Variants in PCDH15 observed in about 807,000 individuals in gnomAD.
PCDH15 encodes the protein protocadherin related 15, also known as protocadherin-15.
In PCDH15, 129 loss-of-function variants were observed where a neutral mutation model predicts 178.5. That is an observed-to-expected ratio of 0.72 (90% CI 0.63 to 0.84). PCDH15 has a LOEUF of 0.84. Among genes scored for constraint, PCDH15 ranks in the 40% least tolerant of loss-of-function variants. The pLI is 0.00. For missense variants in PCDH15, 2,230 were observed against 2,099.9 expected (o/e 1.06, Z -1.21); for synonymous variants, 800 against 732.0 (o/e 1.09, Z -1.50).
intron 2 of PCDH15, among the ~76,000 whole-genome samples, chr10:55,414,844 T>C (rs1838438618): frequency 6.6e-6 from 1 of 150,990 alleles, no homozygotes; most frequent in Non-Finnish European, 1.5e-5. Flanking sequence ...TAGGGTTTTC[T>C]ACATATAAGA....
At chr10:55,511,446 A>G (rs1053766070) in intron 2 of PCDH15, among the ~76,000 whole-genome samples, 6 of 152,082 alleles carry the variant, frequency 3.9e-5, no homozygotes, top group Non-Finnish European at 7.4e-5. Context: ...CAAAAGTATT[A>G]CCAAAACACT....
chr10:54,034,037 G>A (rs1420332982), intron 18 of PCDH15, among the ~76,000 whole-genome samples: 1 of 151,582 alleles, frequency 6.6e-6, no homozygotes. Flanking sequence ...ATTCTTAACT[G>A]GAAACTGAAA....
intron 1 of PCDH15, among the ~76,000 whole-genome samples, chr10:54,722,321 CTCTTAT>C (rs928781031): frequency 1.4e-5 from 2 of 147,552 alleles, no homozygotes; most frequent in East Asian, 2.0e-4. Context: ...AGGATGTCAA[CTCTTAT>C]TCTTATTCAA....
chr10:54,779,533 C>CACACATATATGTGTGTATAT (rs1555192948), intron 1 of PCDH15, among the ~76,000 whole-genome samples: 1 of 28,116 alleles, frequency 3.6e-5, no homozygotes, highest in Non-Finnish European at 7.4e-5. Flanking sequence ...TATACACACA[C>CACACATATATGTGTGTATAT]ATATATATAG....
At chr10:55,419,275 T>G (rs559436903) in intron 2 of PCDH15, among the ~76,000 whole-genome samples, 1 of 151,806 alleles carries the variant, frequency 6.6e-6, no homozygotes, top group South Asian at 2.1e-4. Flanking sequence ...AAATAAATTT[T>G]CTATGTGGGA....
At chr10:54,057,137 C>T (rs12244555) in intron 18 of PCDH15, among the ~76,000 whole-genome samples, 31,767 of 152,062 alleles carry the variant, frequency 0.21, 3,506 homozygotes, top group Non-Finnish European at 0.23. Flanking sequence ...TGAGTGTCTG[C>T]GACTTGCCAG....
chr10:54,293,108 C>T (rs141761582), intron 8 of PCDH15, among the ~76,000 whole-genome samples: 28,674 of 151,992 alleles, frequency 0.19, 3,073 homozygotes, highest in African/African-American at 0.28. Flanking sequence ...GGTACTGGTA[C>T]AAAAACAGAT....
chr10:54,358,461 G>T (rs2134415026), intron 5 of PCDH15, among the ~76,000 whole-genome samples: 1 of 152,296 alleles, frequency 6.6e-6, no homozygotes, highest in South Asian at 2.1e-4. Context: ...ACCACAATGA[G>T]ATACCATCTC....
At chr10:55,114,477 T>A (rs543572638) in intron 2 of PCDH15, among the ~76,000 whole-genome samples, 1 of 152,346 alleles carries the variant, frequency 6.6e-6, no homozygotes, top group South Asian at 2.1e-4. Context: ...TCTCCTTCCA[T>A]ATAATAGATC....
chr10:55,409,061 C>T (rs546740910), intron 2 of PCDH15, among the ~76,000 whole-genome samples: 2 of 151,940 alleles, frequency 1.3e-5, no homozygotes, highest in African/African-American at 2.4e-5. Context: ...GGATTCTGTC[C>T]TAGGTGCTTC....
intron 12 of PCDH15, 139 bp downstream of exon 12, chr10:54,184,995 C>G: frequency 2.0e-6 from 2 of 996,934 alleles, no homozygotes; most frequent in Non-Finnish European, 3.0e-6. Flanking sequence ...TTGATCTTCT[C>G]TCTGGTATTG....
intron 3 of PCDH15, among the ~76,000 whole-genome samples, chr10:54,490,301 T>G (rs141524477): frequency 0.14 from 21,573 of 151,522 alleles, 1,833 homozygotes; most frequent in East Asian, 0.33. Flanking sequence ...ACACAAAAAA[T>G]TAGATGGGCG....
chr10:54,613,867 C>T (rs542134151), intron 2 of PCDH15, among the ~76,000 whole-genome samples: 25 of 151,492 alleles, frequency 1.7e-4, no homozygotes, highest in African/African-American at 5.6e-4. Flanking sequence ...AGCTCCTCAA[C>T]CTTGGATGAG....
chr10:54,566,137 T>C (rs2089000072), intron 2 of PCDH15, among the ~76,000 whole-genome samples: 1 of 152,168 alleles, frequency 6.6e-6, no homozygotes, highest in South Asian at 2.1e-4. Context: ...GATTTGAATA[T>C]GGACTATTCA....
intron 25 of PCDH15, among the ~76,000 whole-genome samples, chr10:53,924,275 G>A (rs1323913442): frequency 1.3e-5 from 2 of 152,168 alleles, no homozygotes; most frequent in Non-Finnish European, 2.9e-5. Context: ...CGCACTCAGA[G>A]CGGCCGGCTG....
At chr10:54,644,087 C>A (rs548380953) in intron 2 of PCDH15, among the ~76,000 whole-genome samples, 2 of 146,510 alleles carry the variant, frequency 1.4e-5, no homozygotes, top group East Asian at 2.1e-4. Flanking sequence ...TTTGTCCTTG[C>A]GAAAGTTTAC....
At chr10:55,468,525 A>T (rs924658762) in intron 2 of PCDH15, 4 of 152,200 alleles carry the variant, frequency 2.6e-5, no homozygotes, top group Non-Finnish European at 5.9e-5. Flanking sequence ...AACATAGATT[A>T]TAGAACTTAC....
intron 2 of PCDH15, among the ~76,000 whole-genome samples, chr10:54,946,090 G>T (rs1005543737): frequency 2.0e-5 from 3 of 151,676 alleles, no homozygotes; most frequent in East Asian, 1.9e-4. Context: ...TCATAATTGG[G>T]ACTATTTTGG....
intron 2 of PCDH15, among the ~76,000 whole-genome samples, chr10:54,577,788 A>C (rs2090642511): frequency 6.6e-6 from 1 of 151,914 alleles, no homozygotes; most frequent in Non-Finnish European, 1.5e-5. Context: ...TCAGAAGAAC[A>C]GTAGGTGAAG....
Sources: allele counts gnomAD v4.1 joint callset (sites outside exome capture counted in the v4.1 genomes callset), GRCh38; gene constraint gnomAD v4.1.1; transcripts MANE v1.5; gene names NCBI Gene and HGNC (gene_info 2026-07-23, HGNC 2026-07-21).